MGMT: variants seen among roughly 807,000 people sequenced by gnomAD.
MGMT encodes the protein methylated-DNA--protein-cysteine methyltransferase.
Under a neutral mutation model 15.9 loss-of-function variants are expected in MGMT, and 14 were observed. The observed-to-expected ratio is 0.88, with a 90% CI of 0.58 to 1.37. MGMT has a LOEUF of 1.37. Among genes scored for constraint, MGMT ranks in the 40% most tolerant of loss-of-function variants. The pLI is 0.00. For synonymous variants in MGMT, 130 were observed against 118.2 expected (o/e 1.10, Z -0.65); for missense variants, 282 against 268.1 (o/e 1.05, Z -0.36).
chr10:129,739,532 G>T (rs114302048), intron 3 of MGMT, among the ~76,000 whole-genome samples: 2,580 of 152,212 alleles, frequency 0.017, 75 homozygotes, highest in African/African-American at 0.059. Context: ...GTGCATCTCT[G>T]TTGACCTGCC....
At chr10:129,612,674 T>G (rs938303812) in intron 2 of MGMT, among the ~76,000 whole-genome samples, 5 of 152,186 alleles carry the variant, frequency 3.3e-5, no homozygotes, top group Non-Finnish European at 5.9e-5. Context: ...AGCTAGTGAC[T>G]TCCACCTTTG....
chr10:129,467,395 C>A, intron 1 of MGMT, 99 bp downstream of exon 1: 1 of 1,387,952 alleles, frequency 7.2e-7, no homozygotes, highest in South Asian at 1.6e-5. Flanking sequence ...ACTTCGCCGT[C>A]GGGTGTGGGG....
In MGMT at chr10:129,533,035, A is replaced by G. The variant is rs1845949518; in HGVS notation, c.-12-3206A>G. ...CCTGCCTGGGACTCGAATCGGGAGCAGGTCCCACGGAGGCAGAGCAGCCGA... is the reference window on the plus strand; with the variant it reads ...CCTGCCTGGGACTCGAATCGGGAGCGGGTCCCACGGAGGCAGAGCAGCCGA... On this transcript the variant is annotated intron_variant, in intron 1 of 4. Coordinates refer to ENST00000651593, the MANE Select transcript of MGMT (RefSeq NM_002412.5). This position sits in a 1 kb window ranked among gnomAD's most constrained non-coding sequence, Gnocchi z 4.5. Among the ~76,000 whole-genome samples, 1 of 152,214 alleles carries G rather than the reference A, an allele frequency of 6.6e-6. No homozygotes were observed.
chr10:129,673,072 C>A (rs994645555), intron 2 of MGMT, among the ~76,000 whole-genome samples: 12 of 152,112 alleles, frequency 7.9e-5, no homozygotes, highest in African/African-American at 2.9e-4. Context: ...GGTGGCCATT[C>A]AGATTCTTCC....
intron 2 of MGMT, among the ~76,000 whole-genome samples, chr10:129,555,748 G>A (rs1156658098): frequency 2.6e-5 from 4 of 152,072 alleles, no homozygotes; most frequent in Non-Finnish European, 4.4e-5. Context: ...TAAAGATCCT[G>A]TAAGTGAAGG....
chr10:129,601,035 A>G (rs947080006), intron 2 of MGMT, among the ~76,000 whole-genome samples: 2 of 151,916 alleles, frequency 1.3e-5, no homozygotes, highest in Non-Finnish European at 2.9e-5. Flanking sequence ...GACCAGATTT[A>G]AGTAGCCTCC....
intron 4 of MGMT, among the ~76,000 whole-genome samples, chr10:129,760,915 C>T (rs921861033): frequency 2.6e-5 from 4 of 152,168 alleles, no homozygotes; most frequent in African/African-American, 9.7e-5. Context: ...ATTGCAATGT[C>T]TTCAGCTACA....
At position 129,704,388 on chromosome 10, in the gene MGMT, T is replaced by C. The variant is rs112034415; in HGVS notation, c.126-3507T>C. Among the ~76,000 whole-genome samples the C allele has an allele frequency of 5.5e-4, 83 of 152,172 alleles. 3 individuals carry two copies. Among genetic ancestry groups the C allele is most frequent in the African/African-American group, 1.9e-3 (79 of 41,540 alleles). ...CTTTGTGACGGGACCGACAAGGGTTTCCAGGCAGTGGCTTGGGCTGTGGAG... is the reference window on the plus strand; with the variant it reads ...CTTTGTGACGGGACCGACAAGGGTTCCCAGGCAGTGGCTTGGGCTGTGGAG... On this transcript the variant is annotated intron_variant, in intron 2 of 4. Transcript: ENST00000651593.
chr10:129,720,503 A>G (rs1848357420), intron 3 of MGMT, among the ~76,000 whole-genome samples: 1 of 152,196 alleles, frequency 6.6e-6, no homozygotes, highest in Non-Finnish European at 1.5e-5. Context: ...CTGGTTCCTG[A>G]GTACCAGGAG....
intron 3 of MGMT, among the ~76,000 whole-genome samples, chr10:129,741,927 G>A (rs1024375205): frequency 6.6e-6 from 1 of 152,238 alleles, no homozygotes; most frequent in Admixed American, 6.5e-5. Flanking sequence ...TCAGGCCGTG[G>A]CTCTGAGCCT....
chr10:129,648,701 T>A (rs1237085094), intron 2 of MGMT, among the ~76,000 whole-genome samples: 3 of 152,228 alleles, frequency 2.0e-5, no homozygotes, highest in Non-Finnish European at 4.4e-5. Context: ...TTCCAGGGGA[T>A]AAAACTGTCC....
intron 2 of MGMT, among the ~76,000 whole-genome samples, chr10:129,645,773 C>T (rs1489903658): frequency 6.6e-6 from 1 of 152,202 alleles, no homozygotes; most frequent in Non-Finnish European, 1.5e-5. Flanking sequence ...GGCGGTGTTA[C>T]TTTCCAGCCT....
chr10:129,646,719 A>AATATATATATATATATATATATATATAT (rs10543851), intron 2 of MGMT, among the ~76,000 whole-genome samples: 30 of 81,680 alleles, frequency 3.7e-4, no homozygotes, highest in Non-Finnish European at 5.0e-4. Context: ...GCCCATCAGA[A>AATATATATATATATATATATATATATAT]ATATATATAT....
At chr10:129,574,122 G>A (rs748062066) in intron 2 of MGMT, among the ~76,000 whole-genome samples, 31 of 152,314 alleles carry the variant, frequency 2.0e-4, no homozygotes, top group African/African-American at 5.1e-4. Context: ...TTATTTATGC[G>A]CAGTTACTGT....
intron 2 of MGMT, among the ~76,000 whole-genome samples, chr10:129,543,690 A>G (rs755527284): frequency 7.3e-6 from 1 of 136,076 alleles, no homozygotes; most frequent in Non-Finnish European, 1.6e-5. Flanking sequence ...CTCATCTAAG[A>G]AAAAAAAAAG....
chr10:129,643,440 T>C (rs983148457), intron 2 of MGMT, among the ~76,000 whole-genome samples: 2 of 152,108 alleles, frequency 1.3e-5, no homozygotes, highest in Non-Finnish European at 2.9e-5. Context: ...AGGGGGAAGG[T>C]TCAAAGGCAG....
intron 2 of MGMT, among the ~76,000 whole-genome samples, chr10:129,547,156 T>C (rs915613392): frequency 6.6e-6 from 1 of 152,224 alleles, no homozygotes; most frequent in African/African-American, 2.4e-5. Context: ...AGAACTGAAA[T>C]CATAGTTACA....
In MGMT at chr10:129,608,355, C is replaced by T. The variant is rs550550243; in HGVS notation, c.125+71978C>T. ...AGAATGGAAGGCAGGAGGGGAGGAA[C>T]TCCGGGTTTGCGCCGCAGCTGCGTC... On this transcript the variant is annotated intron_variant, in intron 2 of 4. Transcript: ENST00000651593. Among the ~76,000 whole-genome samples the T allele has an allele frequency of 5.3e-5, 8 of 152,360 alleles. No homozygotes were observed. In the East Asian group the frequency reaches 1.5e-3, roughly 29 times the overall value.
chr10:129,472,013 C>T (rs1050475732), intron 1 of MGMT, among the ~76,000 whole-genome samples: 5 of 152,208 alleles, frequency 3.3e-5, no homozygotes, highest in Non-Finnish European at 1.5e-5. Context: ...AAAACTTTGG[C>T]GTCAGTTTTA....
Sources: gnomAD v4.1 joint callset for allele counts (sites outside exome capture counted in the v4.1 genomes callset) on GRCh38, gnomAD v4.1.1 for gene constraint, Gnocchi (gnomAD v3.1) non-coding constraint, MANE v1.5 for transcripts, NCBI Gene and HGNC (gene_info 2026-07-23, HGNC 2026-07-21) for gene names.